KRIT1: variants seen among roughly 807,000 people sequenced by gnomAD.
The protein encoded by KRIT1 is KRIT1 ankyrin repeat containing, also known as krev interaction trapped protein 1.
KRIT1 carries 45 observed loss-of-function variants against 95.8 expected under a neutral mutation model. The observed-to-expected ratio is 0.47, with a 90% confidence interval of 0.37 to 0.60. The LOEUF is 0.60. KRIT1 is among the 20% of genes least tolerant of loss of function. The pLI, the probability that KRIT1 is intolerant of heterozygous loss-of-function variation, is 0.00. For synonymous variants in KRIT1, 282 were observed against 278.8 expected (o/e 1.01, Z -0.11); for missense variants, 788 against 877.5 (o/e 0.90, Z 1.29).
At chr7:92,222,660 C>T (rs1353956229) in intron 13 of KRIT1, among the ~76,000 whole-genome samples, 162 bp downstream of exon 13, 3 of 152,066 alleles carry the variant, frequency 2.0e-5, no homozygotes, top group Admixed American at 6.6e-5. Context: ...CAGGGACTTA[C>T]CTGTTTCAGC....
At chr7:92,240,656 T>C (rs1196229923) in intron 5 of KRIT1, among the ~76,000 whole-genome samples, 1 of 152,216 alleles carries the variant, frequency 6.6e-6, no homozygotes, top group African/African-American at 2.4e-5. Flanking sequence ...CCCTAATCCA[T>C]GAACATTAAC....
rs2131846482 is a variant in KRIT1, at chr7:92,245,863, G to C, written c.-494C>G. The C allele has an allele frequency of 4.6e-6, 1 of 217,314 alleles. No individual in the cohort carries two copies. Among genetic ancestry groups the C allele is most frequent in the South Asian group, 5.8e-5 (1 of 17,330 alleles). The allele number at this position is 217,314 out of a possible 1,614,324, so 13.5% of individuals were successfully genotyped here. On this transcript the variant is annotated 5_prime_UTR_variant, in exon 1 of 19. Transcript: ENST00000394505. ...CCTCACCCTCTCCCGAAACTACGGG[G>C]TCCCAGGTCTTCAAAGGCCTTAGCT...
chr7:92,223,245 T>C (rs1468384807), intron 12 of KRIT1, among the ~76,000 whole-genome samples: 2 of 134,532 alleles, frequency 1.5e-5, no homozygotes, highest in South Asian at 2.3e-4. Context: ...CTGGCTAACA[T>C]GGTGAAACCC....
chr7:92,205,487 T>C (rs1791258345), intron 17 of KRIT1, among the ~76,000 whole-genome samples: 1 of 152,138 alleles, frequency 6.6e-6, no homozygotes, highest in East Asian at 1.9e-4. Context: ...TCTTAACAAA[T>C]CTTAATTAAC....
intron 2 of KRIT1, 30 bp downstream of exon 2, chr7:92,244,872 G>A (rs1208267869): frequency 2.0e-5 from 3 of 152,182 alleles, no homozygotes; most frequent in Non-Finnish European, 2.9e-5. Flanking sequence ...AGCAGTGGAA[G>A]TGGTCCTTAA....
At chr7:92,213,141 C>T in intron 17 of KRIT1, 54 bp downstream of exon 17, 3 of 1,191,202 alleles carry the variant, frequency 2.5e-6, no homozygotes, top group Non-Finnish European at 2.5e-6. Flanking sequence ...TAGGTTGGTA[C>T]TGTTGTTTTA....
intron 1 of KRIT1, 152 bp from the exon 2 acceptor site, chr7:92,245,323 C>G (rs1316454166): frequency 1.3e-5 from 2 of 152,100 alleles, no homozygotes; most frequent in African/African-American, 4.8e-5. Context: ...CACCCGTCAA[C>G]GTCCACTACT....
At chr7:92,233,676 A>T (rs1475556538) in intron 10 of KRIT1, among the ~76,000 whole-genome samples, 3 of 152,168 alleles carry the variant, frequency 2.0e-5, no homozygotes, top group Non-Finnish European at 4.4e-5. Context: ...AAGTGCTGGG[A>T]TTACAGGTGT....
At chr7:92,240,310 G>A (rs1056515885) in intron 5 of KRIT1, among the ~76,000 whole-genome samples, 1 of 152,078 alleles carries the variant, frequency 6.6e-6, no homozygotes, top group Admixed American at 6.5e-5. Context: ...CACTGAATAA[G>A]CTTTGAAAAA....
chr7:92,215,365 T>A (rs1019752225), intron 14 of KRIT1, among the ~76,000 whole-genome samples: 4 of 152,226 alleles, frequency 2.6e-5, no homozygotes, highest in Admixed American at 2.6e-4. Context: ...GTATCTTAAT[T>A]TCCAAAGGAC....
rs74603220 is a variant in KRIT1 at position 92,213,746 on chromosome 7, T to C, written c.1818+146A>G. ...ACTAAAAATAAAAATATCTTGCTAC[T>C]TTCAATTTCAAGCATTGTGAACTAG... On this transcript the variant is annotated intron_variant, in intron 16 of 18. Coordinates refer to ENST00000394505, the MANE Select transcript of KRIT1 (RefSeq NM_194454.3). 0.12 allele frequency: 75,489 copies of C among 641,350 alleles called. 5,702 individuals carry two copies. The highest frequency in any genetic ancestry group is 0.34 in the East Asian group (12,277 of 35,878). The allele number at this position is 641,350 out of a possible 1,614,324, so 39.7% of individuals were successfully genotyped here.
intron 14 of KRIT1, among the ~76,000 whole-genome samples, chr7:92,217,594 A>G (rs1364545336): frequency 6.6e-6 from 1 of 152,218 alleles, no homozygotes; most frequent in Non-Finnish European, 1.5e-5. Flanking sequence ...CATGTATCAT[A>G]ACTTCATTCC....
rs1192394420 is a variant in KRIT1 at position 92,213,387 on chromosome 7, A to G, written c.1833T>C (p.Ser611=). ...ILHEYKNLST[S]EGVSKEMHHL... ...GATGCATTTCTTTACTGACACCTTC[A>G]CTTGTACTGAGATTCTAAAAACAAA... The change falls in exon 17 of 19, where the codon AGT becomes AGC. Residue 611 remains serine, a synonymous_variant. Transcript: ENST00000394505. The G allele has an allele frequency of 1.2e-6, 2 of 1,607,974 alleles. No homozygotes were observed. Among genetic ancestry groups the G allele is most frequent in the South Asian group, 2.2e-5 (2 of 90,950 alleles).
At chr7:92,235,063 G>A (rs1471349540) in intron 8 of KRIT1, 140 bp from the exon 9 acceptor site, 8 of 658,444 alleles carry the variant, frequency 1.2e-5, no homozygotes, top group Non-Finnish European at 2.2e-5. Context: ...TCAGTGCTGC[G>A]ATCTCAGCAC....
In KRIT1 at chr7:92,237,389, T is replaced by G. The variant is rs190344146; in HGVS notation, c.355+278A>C. ...GCATATCTTTAGAAAAATCCTTTATTGTAACCTGAGCACTTTAAATTTCAA... is the reference window on the plus strand; with the variant it reads ...GCATATCTTTAGAAAAATCCTTTATGGTAACCTGAGCACTTTAAATTTCAA... On this transcript the variant is annotated intron_variant, in intron 6 of 18. Coordinates refer to ENST00000394505, the MANE Select transcript of KRIT1 (RefSeq NM_194454.3). Among the ~76,000 whole-genome samples the G allele has an allele frequency of 3.9e-3, 596 of 152,256 alleles. 1 individual carries two copies. The highest frequency in any genetic ancestry group is 0.034 in the Middle Eastern group (10 of 292).
chr7:92,234,055 AAGGTCAAATCG>A (rs1209458222), intron 10 of KRIT1, among the ~76,000 whole-genome samples: 2 of 152,254 alleles, frequency 1.3e-5, no homozygotes, highest in Non-Finnish European at 2.9e-5. Context: ...AGCAAGACGC[AAGGTCAAATCG>A]TAAGTAGTTA....
chr7:92,212,607 A>G (rs1287913698), intron 17 of KRIT1, among the ~76,000 whole-genome samples: 1 of 152,184 alleles, frequency 6.6e-6, no homozygotes. Context: ...TCCAACCCAG[A>G]AAAACGCTCT....
downstream of KRIT1, chr7:92,199,410 A>T (rs1394915575): frequency 6.6e-6 from 1 of 152,230 alleles, no homozygotes; most frequent in Non-Finnish European, 1.5e-5. Flanking sequence ...TATATCTCTG[A>T]ACTTATTTAG....
At chr7:92,227,570 C>T (rs1796447723) in intron 10 of KRIT1, among the ~76,000 whole-genome samples, 1 of 152,086 alleles carries the variant, frequency 6.6e-6, no homozygotes, top group African/African-American at 2.4e-5. Context: ...GAGTCTCACT[C>T]TATGCCCAGG....
Sources: allele counts gnomAD v4.1 joint callset (sites outside exome capture counted in the v4.1 genomes callset), GRCh38; gene constraint gnomAD v4.1.1; transcripts MANE v1.5; gene names NCBI Gene and HGNC (gene_info 2026-07-23, HGNC 2026-07-21).